Variants in SEM1 observed in about 807,000 individuals in gnomAD.
SEM1 encodes the protein SEM1 26S proteasome subunit, also known as 26S proteasome complex subunit SEM1.
Under a neutral mutation model 12.7 loss-of-function variants are expected in SEM1, and 3 were observed. That is an observed-to-expected ratio of 0.24 (90% confidence interval 0.11 to 0.61). The LOEUF (loss-of-function observed/expected upper bound fraction) is 0.61. Ranked by LOEUF, SEM1 falls within the 20% of genes least tolerant of loss-of-function variation. SEM1 has a pLI of 0.88. For missense variants in SEM1, 59 were observed against 81.3 expected (o/e 0.73, Z 1.06); for synonymous variants, 30 against 27.8 (o/e 1.08, Z -0.25).
intron 2 of SEM1, among the ~76,000 whole-genome samples, chr7:96,574,505 C>T (rs937551257): frequency 6.6e-6 from 1 of 152,154 alleles, no homozygotes; most frequent in Admixed American, 6.5e-5. Context: ...TTTGAGGAAT[C>T]GCCACACTGT....
intron 1 of SEM1, among the ~76,000 whole-genome samples, chr7:96,708,959 T>A (rs1360716591): frequency 6.6e-6 from 1 of 152,014 alleles, no homozygotes; most frequent in Non-Finnish European, 1.5e-5. Flanking sequence ...AAAAAATGTG[T>A]AAGGTTTAGG....
At chr7:96,524,407 A>C (rs1251161909) in intron 2 of SEM1, among the ~76,000 whole-genome samples, 1 of 152,170 alleles carries the variant, frequency 6.6e-6, no homozygotes, top group African/African-American at 2.4e-5. Context: ...AATTGTAGCT[A>C]GTAAGACTGA....
intron 2 of SEM1, among the ~76,000 whole-genome samples, chr7:96,610,043 A>G (rs1807494055): frequency 6.6e-6 from 1 of 152,206 alleles, no homozygotes; most frequent in Non-Finnish European, 1.5e-5. Flanking sequence ...GAAATTGAGA[A>G]AGAAAAAAGC....
chr7:96,686,733 G>A (rs1789769826), downstream of SEM1, among the ~76,000 whole-genome samples: 1 of 152,100 alleles, frequency 6.6e-6, no homozygotes, highest in African/African-American at 2.4e-5. Context: ...CATGGGCAAG[G>A]ACTTCATGTC....
At chr7:96,639,169 G>GT (rs1808516602) in intron 2 of SEM1, among the ~76,000 whole-genome samples, 1 of 151,896 alleles carries the variant, frequency 6.6e-6, no homozygotes, top group African/African-American at 2.4e-5. Context: ...ATGATCTCCA[G>GT]TTTTTTCATT....
chr7:96,668,662 T>G (rs1789231689), downstream of SEM1, among the ~76,000 whole-genome samples: 1 of 152,210 alleles, frequency 6.6e-6, no homozygotes, highest in African/African-American at 2.4e-5. Flanking sequence ...CCACTAACTC[T>G]CTTTGTGACT....
chr7:96,568,743 A>C (rs1805928897), intron 2 of SEM1, among the ~76,000 whole-genome samples: 2 of 151,824 alleles, frequency 1.3e-5, no homozygotes, highest in South Asian at 4.1e-4. Context: ...AATTTTTTAT[A>C]ATTTAGGTAT....
intron 2 of SEM1, among the ~76,000 whole-genome samples, chr7:96,615,755 A>C (rs1296151045): frequency 6.6e-6 from 1 of 151,864 alleles, no homozygotes; most frequent in Non-Finnish European, 1.5e-5. Flanking sequence ...CCACCTTCCC[A>C]CCTTTTGTAG....
intron 2 of SEM1, among the ~76,000 whole-genome samples, chr7:96,674,924 G>A (rs533455124): frequency 2.6e-5 from 4 of 152,148 alleles, no homozygotes; most frequent in Non-Finnish European, 5.9e-5. Flanking sequence ...GCACAAGCAC[G>A]AGGGTCCTCC....
At chr7:96,482,295 C>A (rs1802571101) in exon 4 of SEM1, 1 of 152,126 alleles carries the variant, frequency 6.6e-6, no homozygotes, top group African/African-American at 2.4e-5. Context: ...GCTCTGAGTG[C>A]CACATCCTGA....
Position 96,663,116 on chromosome 7 carries a change from A to G in SEM1, c.170+31682T>C, listed in dbSNP as rs535515122. ...GTGAAGTATGTCCTAGTGCAATAAT[A>G]TGACGCAGAACTTGCTTTAAGATAT... On this transcript the variant is annotated intron_variant, in intron 2 of 2. Coordinates refer to the SEM1 transcript ENST00000417009. Among the ~76,000 whole-genome samples the G allele has an allele frequency of 3.1e-4, 47 of 151,272 alleles. 1 individual carries two copies. The highest frequency in any genetic ancestry group is 7.4e-5 in the Non-Finnish European group (5 of 67,970).
At chr7:96,673,609 GC>G (rs776334967) in exon 3 of SEM1, 45 of 627,274 alleles carry the variant, frequency 7.2e-5, no homozygotes, top group Non-Finnish European at 1.2e-4. Flanking sequence ...TGCTCTCTTT[GC>G]CTGAAATGCT....
At chr7:96,585,512 G>C (rs1226756450) in intron 2 of SEM1, among the ~76,000 whole-genome samples, 1 of 152,250 alleles carries the variant, frequency 6.6e-6, no homozygotes, top group Non-Finnish European at 1.5e-5. Flanking sequence ...GAACTTGCCA[G>C]CTGCTTTGTT....
chr7:96,697,852 G>A (rs1469068675), intron 1 of SEM1, among the ~76,000 whole-genome samples: 1 of 152,122 alleles, frequency 6.6e-6, no homozygotes, highest in Non-Finnish European at 1.5e-5. Context: ...TGCTGAGGGT[G>A]TATGAAACAA....
intron 2 of SEM1, among the ~76,000 whole-genome samples, chr7:96,631,118 G>A (rs566484482): frequency 9.2e-4 from 140 of 152,312 alleles, no homozygotes; most frequent in Non-Finnish European, 1.6e-3. Flanking sequence ...GGTGATGCCA[G>A]CACTCCCTTA....
intron 2 of SEM1, among the ~76,000 whole-genome samples, chr7:96,537,965 T>G (rs186142967): frequency 7.6e-4 from 116 of 151,928 alleles, no homozygotes; most frequent in African/African-American, 2.7e-3. Flanking sequence ...GGTTCTATTC[T>G]GTTTGTTTTC....
chr7:96,607,528 AAAG>A (rs1209831751), intron 2 of SEM1, among the ~76,000 whole-genome samples: 4 of 152,224 alleles, frequency 2.6e-5, no homozygotes, highest in East Asian at 1.9e-4. Context: ...GGAACACATA[AAAG>A]AAGAAGTTCT....
chr7:96,572,502 C>G (rs531775131), intron 2 of SEM1, among the ~76,000 whole-genome samples: 2 of 152,252 alleles, frequency 1.3e-5, no homozygotes, highest in African/African-American at 4.8e-5. Context: ...TCATTGGTTT[C>G]AAAGAACTTA....
chr7:96,567,707 A>G (rs1805887204), intron 2 of SEM1, among the ~76,000 whole-genome samples: 1 of 151,498 alleles, frequency 6.6e-6, no homozygotes, highest in Admixed American at 6.6e-5. Flanking sequence ...CCAACAATGG[A>G]TTTTGAACTT....
Sources: gnomAD v4.1 joint callset for allele counts (sites outside exome capture counted in the v4.1 genomes callset) on GRCh38, gnomAD v4.1.1 for gene constraint, MANE v1.5 for transcripts, NCBI Gene and HGNC (gene_info 2026-07-23, HGNC 2026-07-21) for gene names.